Variants in SCUBE1 observed in about 807,000 individuals in gnomAD.
SCUBE1 encodes the protein signal peptide, CUB and EGF-like domain-containing protein 1.
A neutral mutation model predicts 124.4 loss-of-function variants in SCUBE1; 59 were observed. That is an observed-to-expected ratio of 0.47 (90% CI 0.38 to 0.59). SCUBE1 has a LOEUF of 0.59. SCUBE1 is among the 20% of genes least tolerant of loss of function. The pLI is 0.00. For synonymous variants in SCUBE1, 545 were observed against 550.9 expected, an observed-to-expected ratio of 0.99 and a Z score of 0.15; for missense variants, 1,150 against 1,371.2, an observed-to-expected ratio of 0.84 and a Z score of 2.55.
intron 3 of SCUBE1, among the ~76,000 whole-genome samples, chr22:43,307,207 T>C (rs901246469): frequency 4.6e-5 from 7 of 152,136 alleles, no homozygotes; most frequent in Admixed American, 2.0e-4. Context: ...CTCAGGGCCA[T>C]GTCAGAGGGA....
At chr22:43,257,993 A>C (rs1479231868) in intron 6 of SCUBE1, among the ~76,000 whole-genome samples, 1 of 152,232 alleles carries the variant, frequency 6.6e-6, no homozygotes, top group African/African-American at 2.4e-5. Context: ...CACAAAGCAG[A>C]AAAGCCTGGT....
intron 7 of SCUBE1, chr22:43,238,327 C>T (rs1043562371): frequency 9.5e-5 from 19 of 199,534 alleles, no homozygotes; most frequent in Non-Finnish European, 1.6e-4. Flanking sequence ...CCCCTAGCCT[C>T]GCCCCCCTAG....
At chr22:43,290,111 A>C (rs1320712745) in intron 4 of SCUBE1, among the ~76,000 whole-genome samples, 1 of 151,830 alleles carries the variant, frequency 6.6e-6, no homozygotes, top group African/African-American at 2.4e-5. Context: ...CTCACAGCAC[A>C]CTCTGCTTTG....
chr22:43,316,284 C>T (rs752713742), intron 3 of SCUBE1, among the ~76,000 whole-genome samples: 3 of 152,180 alleles, frequency 2.0e-5, no homozygotes, highest in Non-Finnish European at 2.9e-5. Flanking sequence ...TAGAGAAGGG[C>T]TAGAATTTAA....
intron 4 of SCUBE1, among the ~76,000 whole-genome samples, chr22:43,267,183 C>A (rs544413933): frequency 2.0e-5 from 3 of 152,142 alleles, no homozygotes; most frequent in Non-Finnish European, 4.4e-5. Flanking sequence ...GTGGGTAACC[C>A]GTTGGGGAGA....
intron 1 of SCUBE1, 35 bp from the exon 2 acceptor site, chr22:43,339,270 G>A: frequency 6.2e-7 from 1 of 1,605,450 alleles, no homozygotes; most frequent in Non-Finnish European, 8.5e-7. Flanking sequence ...TAAGAGGTAA[G>A]GTGTGGCCCC....
At chr22:43,333,819 G>A (rs1244870390) in intron 2 of SCUBE1, among the ~76,000 whole-genome samples, 2 of 152,194 alleles carry the variant, frequency 1.3e-5, no homozygotes, top group Non-Finnish European at 2.9e-5. Context: ...CCATGCCTCA[G>A]TTTCCTCACT....
At position 43,227,293 on chromosome 22, in the gene SCUBE1, C is replaced by T; in HGVS notation, c.1207+81G>A. 4 of 1,493,608 alleles carry T rather than the reference C, an allele frequency of 2.7e-6. No homozygotes were observed. The East Asian group carries it at 7.3e-5, about 27-fold the overall frequency. 92.5% of individuals were successfully genotyped at this position (1,493,608 alleles called of 1,614,324 possible). Reference sequence around the variant, plus strand: ...GAAAGGGAGGGGCTGTCCTGCTCACCCCCACCTCAGAAAAGCCACTGTCCC... The same window carrying T: ...GAAAGGGAGGGGCTGTCCTGCTCACTCCCACCTCAGAAAAGCCACTGTCCC... On this transcript the variant is annotated intron_variant, in intron 10 of 21. Transcript: ENST00000360835.
chr22:43,267,647 G>A (rs1367140601), intron 4 of SCUBE1, among the ~76,000 whole-genome samples: 1 of 152,236 alleles, frequency 6.6e-6, no homozygotes, highest in Non-Finnish European at 1.5e-5. Context: ...TCACCAGACA[G>A]ATAAAGCAAC....
intron 3 of SCUBE1, chr22:43,317,141 A>G (rs1926377430): frequency 1.3e-5 from 2 of 152,276 alleles, no homozygotes; most frequent in South Asian, 4.1e-4. Context: ...ACAGGGGAAA[A>G]AAATGTTTTA....
chr22:43,339,931 A>C (rs866632731), intron 1 of SCUBE1, among the ~76,000 whole-genome samples: 6 of 14,814 alleles, frequency 4.1e-4, no homozygotes, highest in African/African-American at 1.8e-3. Context: ...CAACAAGCAT[A>C]GCTCCAACCC....
chr22:43,247,065 G>C (rs1326566793), intron 6 of SCUBE1, among the ~76,000 whole-genome samples: 3 of 152,246 alleles, frequency 2.0e-5, no homozygotes, highest in Non-Finnish European at 4.4e-5. Context: ...ACTGAGGCCA[G>C]GCTGGCTCCG....
rs1312804489 is a variant in SCUBE1 at position 43,286,303 on chromosome 22, GC to G, written c.484+4742del. On this transcript the variant is annotated intron_variant, in intron 4 of 21. Transcript: ENST00000360835. ...GGTCCATGGTAGAGCTGGGGTTCCA[GC>G]CTAGGCCACTGGGCCTGAAGCCCCG... Among the ~76,000 whole-genome samples the G allele has an allele frequency of 2.6e-5, 4 of 152,270 alleles. No homozygotes were observed. The East Asian group carries it at 7.7e-4, about 29-fold the overall frequency.
chr22:43,198,755 G>T lies in SCUBE1; in HGVS notation c.*5242C>A. The T allele has an allele frequency of 2.2e-6, 1 of 456,024 alleles. No individual in the cohort carries two copies. Among genetic ancestry groups the T allele is most frequent in the Admixed American group, 2.3e-5 (1 of 42,568 alleles). The allele number at this position is 456,024 out of a possible 1,614,324, so 28.2% of individuals were successfully genotyped here. A position where few individuals can be genotyped will look rare whatever the true frequency, so the allele number is the denominator to read the frequency against. On this transcript the variant is annotated 3_prime_UTR_variant, in exon 22 of 22. Transcript: ENST00000360835. ...TGGGTGAGAAGGAAGGCTTCTCCCT[G>T]TGGGGCATGCACTGTGGCAGGCAAG... is the stretch of plus-strand genomic sequence containing the variant.
intron 8 of SCUBE1, 41 bp from the exon 9 acceptor site, chr22:43,229,229 A>G: frequency 4.8e-5 from 37 of 768,834 alleles, no homozygotes; most frequent in Non-Finnish European, 6.3e-5. Flanking sequence ...GAGGAGTTTG[A>G]GGGAGTGGTG....
intron 3 of SCUBE1, among the ~76,000 whole-genome samples, chr22:43,319,365 G>C (rs188529688): frequency 6.6e-6 from 1 of 152,092 alleles, no homozygotes; most frequent in African/African-American, 2.4e-5. Context: ...AGTAGCTCGA[G>C]ACCAGCCTGG....
intron 16 of SCUBE1, chr22:43,213,218 G>A (rs1279387380): frequency 6.5e-6 from 1 of 152,746 alleles, no homozygotes; most frequent in Non-Finnish European, 1.5e-5. Flanking sequence ...TCTCAGCCCA[G>A]ACCCTGGGAT....
chr22:43,286,874 C>T (rs1025069608), intron 4 of SCUBE1, among the ~76,000 whole-genome samples: 2 of 152,230 alleles, frequency 1.3e-5, no homozygotes, highest in African/African-American at 4.8e-5. Context: ...ACTCCCGGAT[C>T]GATTCTGGTC....
At chr22:43,236,509 C>A (rs1922768159) in intron 7 of SCUBE1, among the ~76,000 whole-genome samples, 1 of 152,214 alleles carries the variant, frequency 6.6e-6, no homozygotes, top group Non-Finnish European at 1.5e-5. Context: ...AAATGAAAAC[C>A]TGGGTGTGAG....
Sources: gnomAD v4.1 joint callset for allele counts (sites outside exome capture counted in the v4.1 genomes callset) on GRCh38, gnomAD v4.1.1 for gene constraint, MANE v1.5 for transcripts, NCBI Gene and HGNC (gene_info 2026-07-23, HGNC 2026-07-21) for gene names.